Variants in PTBP3 observed in about 807,000 individuals in gnomAD.
PTBP3 encodes polypyrimidine tract-binding protein 3.
Under a neutral mutation model 58.7 loss-of-function variants are expected in PTBP3, and 20 were observed. That is an observed-to-expected ratio of 0.34 (90% CI 0.24 to 0.50). The LOEUF (loss-of-function observed/expected upper bound fraction) is 0.50. Ranked by LOEUF, PTBP3 falls within the 20% of genes least tolerant of loss-of-function variation. The probability of loss-of-function intolerance (pLI) is 0.98; values close to 1 mark genes in which losing one functional copy is unlikely to be tolerated. For missense variants in PTBP3, 509 were observed against 637.2 expected (o/e 0.80, Z 2.17); for synonymous variants, 185 against 219.8 (o/e 0.84, Z 1.40).
At chr9:112,322,148 A>AG (rs1301643908) in intron 1 of PTBP3, among the ~76,000 whole-genome samples, 1 of 151,216 alleles carries the variant, frequency 6.6e-6, no homozygotes, top group Non-Finnish European at 1.5e-5. Context: ...AAAAAAAAAA[A>AG]AAAAAAAAGA....
rs150575184 is a variant in PTBP3 at position 112,290,417 on chromosome 9, G to T, written c.34+7415C>A. ...CGGCCAGGCATGGTGGCTCACACCT[G>T]TATTACCAGCACTTTGGGAAGCTAA... On this transcript the variant is annotated intron_variant, in intron 2 of 13. Transcript: ENST00000374257. Among the ~76,000 whole-genome samples, 1,306 of 152,042 alleles carry T rather than the reference G, an allele frequency of 8.6e-3. 23 individuals are homozygous for T. Among genetic ancestry groups the T allele is most frequent in the African/African-American group, 0.03 (1,245 of 41,474 alleles).
At chr9:112,262,628 T>G in intron 4 of PTBP3, 29 bp from the exon 5 acceptor site, 1 of 1,529,132 alleles carries the variant, frequency 6.5e-7, no homozygotes. Context: ...TGAGAACTTT[T>G]GATTATACAG....
intron 12 of PTBP3, among the ~76,000 whole-genome samples, chr9:112,226,883 C>T (rs1000913605): frequency 3.9e-5 from 6 of 152,078 alleles, no homozygotes; most frequent in African/African-American, 1.2e-4. Flanking sequence ...GTTGTCAATC[C>T]CTGAGTTTGA....
At chr9:112,341,926 C>A in the PTBP3 span, among the ~76,000 whole-genome samples, 2 of 152,114 alleles carry the variant, frequency 1.3e-5, no homozygotes, top group South Asian at 4.1e-4. Context: ...CTTTAAGAGA[C>A]AACAAGATAG....
intron 1 of PTBP3, among the ~76,000 whole-genome samples, chr9:112,304,991 A>G (rs1359177733): frequency 6.6e-6 from 1 of 152,196 alleles, no homozygotes; most frequent in African/African-American, 2.4e-5. Flanking sequence ...TTTTGAGGAA[A>G]AGATAAAACT....
intron 5 of PTBP3, among the ~76,000 whole-genome samples, chr9:112,253,560 T>C (rs1258485769): frequency 6.6e-6 from 1 of 152,022 alleles, no homozygotes; most frequent in African/African-American, 2.4e-5. Context: ...AACAACAACA[T>C]ATTTAGTTTT....
intron 10 of PTBP3, among the ~76,000 whole-genome samples, chr9:112,231,123 C>T (rs929812778): frequency 2.7e-5 from 4 of 150,202 alleles, no homozygotes; most frequent in African/African-American, 7.6e-5. Flanking sequence ...TCATGTTGAA[C>T]AAGTCAGCTT....
At chr9:112,321,596 A>G (rs931718996) in intron 1 of PTBP3, among the ~76,000 whole-genome samples, 4 of 151,984 alleles carry the variant, frequency 2.6e-5, no homozygotes, top group African/African-American at 9.7e-5. Flanking sequence ...TCTTGGACCA[A>G]TCAGGGAAGT....
chr9:112,379,736 C>A, the PTBP3 span, among the ~76,000 whole-genome samples: 2 of 152,246 alleles, frequency 1.3e-5, no homozygotes, highest in Non-Finnish European at 2.9e-5. Flanking sequence ...AAGCTCAGGG[C>A]TCAGTCACCC....
chr9:112,340,553 A>T, the PTBP3 span, among the ~76,000 whole-genome samples: 1 of 152,098 alleles, frequency 6.6e-6, no homozygotes, highest in Non-Finnish European at 1.5e-5. Context: ...CAGCTTTTTT[A>T]AAATGTCATG....
upstream of PTBP3, among the ~76,000 whole-genome samples, chr9:112,334,849 T>C (rs1373472261): frequency 1.3e-5 from 2 of 152,234 alleles, no homozygotes; most frequent in African/African-American, 4.8e-5. Context: ...TCCGTTTATG[T>C]ATATTTTTGA....
the PTBP3 span, among the ~76,000 whole-genome samples, chr9:112,344,935 C>T: frequency 6.6e-6 from 1 of 151,958 alleles, no homozygotes; most frequent in Non-Finnish European, 1.5e-5. Flanking sequence ...GAGTTCGAGA[C>T]CAGCATGACC....
At chr9:112,290,672 T>TAAAAAAAAA (rs141146042) in intron 2 of PTBP3, among the ~76,000 whole-genome samples, 4 of 53,048 alleles carry the variant, frequency 7.5e-5, no homozygotes, top group African/African-American at 3.1e-4. Context: ...ACTCTGTCTT[T>TAAAAAAAAA]AAAAAAAAAA....
At chr9:112,269,688 C>CA (rs1284064956) in intron 3 of PTBP3, among the ~76,000 whole-genome samples, 2 of 152,130 alleles carry the variant, frequency 1.3e-5, no homozygotes, top group Non-Finnish European at 2.9e-5. Context: ...TATTTGAGAT[C>CA]ATTTTTAATT....
rs1835072485 is a variant in PTBP3, at chr9:112,228,408, C to T, written c.1119G>A (p.Gln373=). The T allele has an allele frequency of 6.2e-7, 1 of 1,607,528 alleles. No individual in the cohort carries two copies. ...GCTGAGCTTGATTTGCATCCGCCAT[C>T]TGAACCAAGGCATTTTCTTTCTTAT... The part of the protein sequence containing the change: ...MFNKKENALV[Q]MADANQAQLA... The change falls in exon 11 of 14, where the codon CAG becomes CAA. Residue 373 remains glutamine, a synonymous_variant. Coordinates refer to ENST00000374257, the MANE Select transcript of PTBP3 (RefSeq NM_001163788.4).
chr9:112,290,707 T>TACACACAA (rs1828374810), intron 2 of PTBP3, among the ~76,000 whole-genome samples: 1 of 110,958 alleles, frequency 9.0e-6, no homozygotes, highest in Non-Finnish European at 1.7e-5. Context: ...TATATATATA[T>TACACACAA]ACACACACAC....
intron 1 of PTBP3, among the ~76,000 whole-genome samples, chr9:112,329,186 G>C (rs569115537): frequency 1.2e-4 from 18 of 152,238 alleles, no homozygotes; most frequent in Middle Eastern, 3.4e-3. Flanking sequence ...CAAGGAGGGC[G>C]GATCACCTGA....
chr9:112,232,291 C>T, intron 8 of PTBP3, 53 bp from the exon 9 acceptor site: 1 of 1,435,168 alleles, frequency 7.0e-7, no homozygotes, highest in Non-Finnish European at 9.5e-7. Flanking sequence ...AGAACTGTAA[C>T]ACTTGATACA....
At chr9:112,269,276 G>A (rs1002588755) in intron 3 of PTBP3, among the ~76,000 whole-genome samples, 7 of 151,568 alleles carry the variant, frequency 4.6e-5, no homozygotes, top group African/African-American at 1.5e-4. Context: ...GGGCAATTAG[G>A]GGGTAAAAAG....
Sources: gnomAD v4.1 joint callset for allele counts (sites outside exome capture counted in the v4.1 genomes callset) on GRCh38, gnomAD v4.1.1 for gene constraint, MANE v1.5 for transcripts, NCBI Gene and HGNC (gene_info 2026-07-23, HGNC 2026-07-21) for gene names.